Variants in UST observed in about 807,000 individuals in gnomAD.
The protein encoded by UST is uronyl 2-sulfotransferase.
UST carries 21 observed loss-of-function variants against 45.6 expected under a neutral mutation model. The observed-to-expected ratio is 0.46, with a 90% CI of 0.33 to 0.66. UST has a LOEUF of 0.66. Among genes scored for constraint, UST ranks in the 30% least tolerant of loss-of-function variants. The probability of loss-of-function intolerance (pLI) is 0.02; values close to 1 mark genes in which losing one functional copy is unlikely to be tolerated. For synonymous variants in UST, 215 were observed against 200.6 expected (o/e 1.07, Z -0.61); for missense variants, 463 against 512.4 (o/e 0.90, Z 0.93).
At chr6:148,927,531 A>G (rs1215931156) in intron 2 of UST, among the ~76,000 whole-genome samples, 2 of 152,200 alleles carry the variant, frequency 1.3e-5, no homozygotes, top group South Asian at 2.1e-4. Context: ...TGAACAAGTT[A>G]TTTAATCCCC....
intron 5 of UST, among the ~76,000 whole-genome samples, chr6:148,989,586 A>G (rs1444806414): frequency 6.6e-6 from 1 of 152,230 alleles, no homozygotes; most frequent in African/African-American, 2.4e-5. Context: ...TACCAACTGC[A>G]AAAGTGCCAA....
At chr6:148,870,535 C>T (rs1778529842) in intron 1 of UST, among the ~76,000 whole-genome samples, 1 of 152,230 alleles carries the variant, frequency 6.6e-6, no homozygotes, top group South Asian at 2.1e-4. Context: ...TGCACTCTTC[C>T]CAGTGCCACA....
At chr6:148,758,020 C>CAA (rs957069491) in intron 1 of UST, among the ~76,000 whole-genome samples, 15 of 152,224 alleles carry the variant, frequency 9.9e-5, no homozygotes, top group Non-Finnish European at 2.2e-4. Context: ...CAAGGCCTGA[C>CAA]ATTTAAGTTC....
At chr6:148,912,265 T>C (rs148205150) in intron 2 of UST, among the ~76,000 whole-genome samples, 395 of 152,366 alleles carry the variant, frequency 2.6e-3, no homozygotes, top group Admixed American at 2.3e-3. Context: ...TGTGTGGCTT[T>C]CCTGAGTTCA....
intron 2 of UST, among the ~76,000 whole-genome samples, chr6:148,909,790 A>G (rs1779438912): frequency 6.6e-6 from 1 of 152,184 alleles, no homozygotes; most frequent in Non-Finnish European, 1.5e-5. Context: ...GCTAGGTAGC[A>G]ATTCCTCAAG....
chr6:148,970,141 G>T (rs753465749), intron 5 of UST, among the ~76,000 whole-genome samples: 1 of 152,190 alleles, frequency 6.6e-6, no homozygotes, highest in Non-Finnish European at 1.5e-5. Context: ...AGGACCAAAG[G>T]CCACTTCTGG....
intron 1 of UST, among the ~76,000 whole-genome samples, chr6:148,875,994 C>G (rs1439586311): frequency 6.6e-6 from 1 of 152,126 alleles, no homozygotes; most frequent in African/African-American, 2.4e-5. Context: ...ATGTATTAAG[C>G]TGTTCTTGCA....
At chr6:149,044,364 A>G (rs1171032426) in intron 7 of UST, among the ~76,000 whole-genome samples, 1 of 152,196 alleles carries the variant, frequency 6.6e-6, no homozygotes, top group East Asian at 1.9e-4. Flanking sequence ...GACATACAGT[A>G]GCTTATTTGT....
rs184400334 is a variant in UST, at chr6:148,752,368, C to T, written c.247+4691C>T. Among the ~76,000 whole-genome samples the T allele has an allele frequency of 8.5e-5, 13 of 152,116 alleles. No individual in the cohort carries two copies. The East Asian group carries it at 1.4e-3, about 16-fold the overall frequency. On this transcript the variant is annotated intron_variant, in intron 1 of 7. Coordinates refer to ENST00000367463, the MANE Select transcript of UST (RefSeq NM_005715.3). ...TAGGAAATGAATGCATAAAATATGA[C>T]GTTATCAATAGAAATTGTTGACATA...
intron 1 of UST, among the ~76,000 whole-genome samples, chr6:148,820,122 G>A (rs373383851): frequency 6.6e-6 from 1 of 152,180 alleles, no homozygotes; most frequent in African/African-American, 2.4e-5. Flanking sequence ...TGCAGTAGGT[G>A]CTTAGTGACA....
chr6:148,992,447 C>T (rs566551510), intron 5 of UST, among the ~76,000 whole-genome samples: 23 of 152,134 alleles, frequency 1.5e-4, no homozygotes, highest in African/African-American at 4.8e-4. Flanking sequence ...CCAGCCTGGG[C>T]GAGAGAGTGA....
intron 7 of UST, among the ~76,000 whole-genome samples, chr6:149,022,461 G>A (rs1318300154): frequency 2.0e-5 from 3 of 152,104 alleles, no homozygotes; most frequent in African/African-American, 4.8e-5. Context: ...TTAGCCAGGT[G>A]TGTTGGTGGG....
intron 1 of UST, among the ~76,000 whole-genome samples, chr6:148,878,022 C>T (rs575657225): frequency 1.6e-4 from 10 of 62,150 alleles, no homozygotes; most frequent in African/African-American, 6.9e-4. Context: ...GGGTCATGTA[C>T]GAGTGCGGAG....
chr6:148,982,367 G>A (rs1451733611), intron 5 of UST, among the ~76,000 whole-genome samples: 1 of 152,122 alleles, frequency 6.6e-6, no homozygotes. Context: ...CCAAAGTGCT[G>A]GGATTACTGG....
intron 4 of UST, among the ~76,000 whole-genome samples, chr6:148,959,648 C>G (rs1780606726): frequency 6.6e-6 from 1 of 152,194 alleles, no homozygotes; most frequent in African/African-American, 2.4e-5. Flanking sequence ...CCCTCATTTC[C>G]TGATTATTCC....
intron 1 of UST, among the ~76,000 whole-genome samples, chr6:148,885,845 T>C (rs976289499): frequency 2.0e-5 from 3 of 152,216 alleles, no homozygotes; most frequent in African/African-American, 7.2e-5. Flanking sequence ...TTTCATCCAC[T>C]CAGACTAAGA....
At chr6:149,003,444 CAA>C (rs59560602) in intron 5 of UST, among the ~76,000 whole-genome samples, 42,860 of 140,538 alleles carry the variant, frequency 0.3, 6,197 homozygotes, top group African/African-American at 0.37. Flanking sequence ...AAAAACAAAA[CAA>C]AAAAAAAAAA....
Position 148,934,921 on chromosome 6 carries a change from C to T in UST, c.292-6358C>T, listed in dbSNP as rs1779991115. ...TTGTACTATATTAAGTATCATTTTG[C>T]AGAGAATTAAAAGCAGCACTGATGT... is the stretch of plus-strand genomic sequence containing the variant. On this transcript the variant is annotated intron_variant, in intron 2 of 7. Transcript: ENST00000367463. This position sits in a 1 kb window ranked among gnomAD's most constrained non-coding sequence, Gnocchi z 4.1. Among the ~76,000 whole-genome samples the T allele has an allele frequency of 6.6e-6, 1 of 152,188 alleles. No individual in the cohort carries two copies. The highest frequency in any genetic ancestry group is 2.1e-4 in the South Asian group (1 of 4,830).
intron 5 of UST, among the ~76,000 whole-genome samples, chr6:148,999,829 A>C (rs1465077481): frequency 6.6e-6 from 1 of 152,246 alleles, no homozygotes; most frequent in Non-Finnish European, 1.5e-5. Flanking sequence ...GCAAAGAAGC[A>C]TGAATAGCCC....
Sources: allele counts gnomAD v4.1 joint callset (sites outside exome capture counted in the v4.1 genomes callset), GRCh38; gene constraint gnomAD v4.1.1; non-coding constraint Gnocchi (gnomAD v3.1); transcripts MANE v1.5; gene names NCBI Gene and HGNC (gene_info 2026-07-23, HGNC 2026-07-21).